MROH2B: variants seen among roughly 807,000 people sequenced by gnomAD.
MROH2B encodes the protein maestro heat like repeat family member 2B, also known as maestro heat-like repeat-containing protein family member 2B.
A neutral mutation model predicts 208.6 loss-of-function variants in MROH2B; 177 were observed. The observed-to-expected ratio is 0.85, with a 90% CI of 0.75 to 0.96. The LOEUF (loss-of-function observed/expected upper bound fraction) is 0.96, where lower values mean the gene tolerates loss of function less well. MROH2B is among the 40% of genes least tolerant of loss of function. MROH2B has a pLI of 0.00. For synonymous variants in MROH2B, 728 were observed against 659.0 expected, an observed-to-expected ratio of 1.10 and a Z score of -1.60; for missense variants, 2,002 against 1,878.7, an observed-to-expected ratio of 1.07 and a Z score of -1.21.
chr5:41,010,131 T>C, intron 30 of MROH2B, 52 bp from the exon 31 acceptor site: 1 of 1,583,150 alleles, frequency 6.3e-7, no homozygotes, highest in South Asian at 1.1e-5. Flanking sequence ...TCCCTCTATG[T>C]GAATGACTCA....
Position 41,018,992 on chromosome 5 carries a change from T to C in MROH2B, c.2468A>G (p.Gln823Arg). Residue 823 changes from glutamine to arginine, a missense_variant, in exon 25 of 42, where the codon CAA (glutamine) becomes CGA (arginine). Physicochemically the swap from Gln to Arg is conservative, Grantham distance 43 (BLOSUM62 1). Coordinates refer to ENST00000399564, the MANE Select transcript of MROH2B (RefSeq NM_173489.5). ...CTCCTCAAGAATGTTAAGGTGGTCT[T>C]GTAGTGAGAGCTGAGGTTTCAGTTT... is the stretch of plus-strand genomic sequence containing the variant. The part of the protein sequence containing the change: ...LSKLKPQLSL[Q>R]DHLNILEENI... 6.2e-7 allele frequency: 1 copy of C among 1,613,862 alleles called. No individual in the cohort carries two copies. Among genetic ancestry groups the C allele is most frequent in the Non-Finnish European group, 8.5e-7 (1 of 1,179,854 alleles).
intron 24 of MROH2B, 130 bp from the exon 25 acceptor site, chr5:41,019,148 T>C (rs938183270): frequency 8.5e-7 from 1 of 1,170,802 alleles, no homozygotes; most frequent in Admixed American, 2.2e-5. Context: ...CACGTTGGGA[T>C]GTTGAGAAAG....
chr5:41,005,097 C>T, intron 35 of MROH2B, 177 bp from the exon 36 acceptor site: 1 of 773,120 alleles, frequency 1.3e-6, no homozygotes, highest in Non-Finnish European at 2.0e-6. Context: ...ATATGAGCAG[C>T]GCACAGGTCA....
chr5:41,064,406 T>A, intron 5 of MROH2B, 66 bp downstream of exon 5: 3 of 1,342,692 alleles, frequency 2.2e-6, no homozygotes, highest in East Asian at 2.4e-5. Flanking sequence ...ACAAGACTTT[T>A]GCTTAATTTG....
Position 40,998,107 on chromosome 5 carries a change from T to A in MROH2B, c.4703A>T (p.Glu1568Val). 6.2e-7 allele frequency: 1 copy of A among 1,612,568 alleles called. No homozygotes were observed. The highest frequency in any genetic ancestry group is 8.5e-7 in the Non-Finnish European group (1 of 1,178,764). The stretch of plus-strand genomic sequence containing the variant: ...TCTCAGGAGGGTTTGCAAAGCAGCC[T>A]CAGCTGCTCTCTGGACACTAATACA... ...DPCISVQRAA[E>V]AALQTLLRRC... The change falls in exon 42 of 42, where the codon GAG (glutamate) becomes GTG (valine). Residue 1568 changes from glutamate (E) to valine (V), a missense_variant. Coordinates refer to ENST00000399564, the MANE Select transcript of MROH2B (RefSeq NM_173489.5).
chr5:41,012,861 A>G, intron 29 of MROH2B, 126 bp from the exon 30 acceptor site: 2 of 1,177,154 alleles, frequency 1.7e-6, no homozygotes, highest in Non-Finnish European at 2.4e-6. Flanking sequence ...GTTTTGATTG[A>G]GGCCACAGAA....
chr5:41,007,324 A>G lies in MROH2B; in HGVS notation c.3739T>C (p.Ser1247Pro), dbSNP rs1358814032. The change falls in exon 34 of 42, where the codon TCA becomes CCA. Residue 1247 changes from serine (S) to proline (P), a missense_variant. By Grantham distance (74) the Ser-to-Pro change is moderately conservative. Coordinates refer to ENST00000399564, the MANE Select transcript of MROH2B (RefSeq NM_173489.5). ...AAAAGTGCACATTACCTGGCCAGTG[A>G]ACATACGCCTATGTGGTGGGTACTA... Reference protein sequence around the residue: ...SPSTHHIGVCSLARSMAVWQH... With the variant: ...SPSTHHIGVCPLARSMAVWQH... 7.0e-7 allele frequency: 1 copy of G among 1,429,870 alleles called. No homozygotes were observed. The highest frequency in any genetic ancestry group is 9.2e-7 in the Non-Finnish European group (1 of 1,084,908). 88.6% of individuals were successfully genotyped at this position (1,429,870 alleles called of 1,614,324 possible).
rs375041927 is a variant in MROH2B at position 41,047,734 on chromosome 5, G to A, written c.1715C>T (p.Thr572Ile). Residue 572 changes from threonine to isoleucine, a missense_variant, in exon 17 of 42, where the codon ACC becomes ATC. Physicochemically the swap from Thr to Ile is moderately conservative, Grantham distance 89. Coordinates refer to ENST00000399564, the MANE Select transcript of MROH2B (RefSeq NM_173489.5). Reference sequence around the variant, plus strand: ...AGCCAGCCTTACCTGAAGCAGCATGGTTTCCCATAGAACGGTACTGATGTT... The same window carrying A: ...AGCCAGCCTTACCTGAAGCAGCATGATTTCCCATAGAACGGTACTGATGTT... ...GKNISTVLWE[T>I]MLLQLLKESL... 2.1e-5 allele frequency: 33 copies of A among 1,595,234 alleles called. No individual in the cohort carries two copies. The African/African-American group carries it at 3.4e-4, about 16-fold the overall frequency.
At position 41,010,043 on chromosome 5, in the gene MROH2B, G is replaced by T; in HGVS notation, c.3172C>A (p.Pro1058Thr). The T allele has an allele frequency of 6.2e-7, 1 of 1,613,830 alleles. No homozygotes were observed. Among genetic ancestry groups the T allele is most frequent in the Non-Finnish European group, 8.5e-7 (1 of 1,179,814 alleles). ...EILGTIYHHMPVLRQKEESFQ... is the reference protein window; with the variant it reads ...EILGTIYHHMTVLRQKEESFQ... ...CTTTCTTCTTTTTGTCTGAGGACTG[G>T]CATGTGATGGTAGATTGTGCCTAAG... is the stretch of plus-strand genomic sequence containing the variant. Residue 1058 changes from proline to threonine, a missense_variant, in exon 31 of 42, where the codon CCA becomes ACA. Pro to Thr is a conservative substitution (Grantham distance 38). Coordinates refer to ENST00000399564, the MANE Select transcript of MROH2B (RefSeq NM_173489.5).
At chr5:41,011,636 A>T (rs1741776906) in intron 30 of MROH2B, among the ~76,000 whole-genome samples, 1 of 151,482 alleles carries the variant, frequency 6.6e-6, no homozygotes, top group African/African-American at 2.4e-5. Flanking sequence ...ACTCTCTTTG[A>T]GTTGCTTTCA....
Position 41,071,109 on chromosome 5 carries a change from G to A in MROH2B, c.-257C>T, listed in dbSNP as rs1579967967. 5.3e-5 allele frequency: 23 copies of A among 433,608 alleles called. No individual in the cohort carries two copies. The East Asian group carries it at 8.4e-4, about 16-fold the overall frequency. The allele number at this position is 433,608 out of a possible 1,614,324, so 26.9% of individuals were successfully genotyped here. Reference sequence around the variant, plus strand: ...ACTCCTGCTAACCAACAAAATGGCTGCATCTCACCAAATATTGTCCCTTTG... The same window carrying A: ...ACTCCTGCTAACCAACAAAATGGCTACATCTCACCAAATATTGTCCCTTTG... On this transcript the variant is annotated 5_prime_UTR_variant, in exon 1 of 42. An upstream open reading frame in the 5' UTR gains an earlier in-frame stop. Coordinates refer to ENST00000399564, the MANE Select transcript of MROH2B (RefSeq NM_173489.5).
In MROH2B at chr5:41,004,906, T is replaced by C. The variant is rs1374634583; in HGVS notation, c.3879A>G (p.Pro1293=). 5.0e-6 allele frequency: 8 copies of C among 1,613,902 alleles called. No individual in the cohort carries two copies. Among genetic ancestry groups the C allele is most frequent in the South Asian group, 1.1e-5 (1 of 91,054 alleles). Residue 1293 remains proline (P), a synonymous_variant, in exon 36 of 42, where the codon CCA becomes CCG. Coordinates refer to ENST00000399564, the MANE Select transcript of MROH2B (RefSeq NM_173489.5). ...AAFFSELMKE[P]ILWKHGNLRN... Reference sequence around the variant, plus strand: ...GCAGATTCCCATGCTTCCAAAGGATTGGTTCCTTCATGAGCTGAAATAATC... The same window carrying C: ...GCAGATTCCCATGCTTCCAAAGGATCGGTTCCTTCATGAGCTGAAATAATC...
intron 24 of MROH2B, 96 bp downstream of exon 24, chr5:41,032,646 G>A (rs1325768589): frequency 2.1e-6 from 2 of 964,466 alleles, no homozygotes; most frequent in East Asian, 2.6e-5. Flanking sequence ...AGTTTTGGGA[G>A]TGTGTACTGA....
At chr5:40,999,286 C>T (rs918624700) in intron 40 of MROH2B, among the ~76,000 whole-genome samples, 1 of 152,166 alleles carries the variant, frequency 6.6e-6, no homozygotes, top group African/African-American at 2.4e-5. Flanking sequence ...ATCATGTTGC[C>T]AAAGCTCTCA....
rs772412760 is a variant in MROH2B at position 40,999,726 on chromosome 5, G to T, written c.4536C>A (p.Phe1512Leu). 2.5e-6 allele frequency: 4 copies of T among 1,613,738 alleles called. No individual in the cohort carries two copies. Among genetic ancestry groups the T allele is most frequent in the Non-Finnish European group, 3.4e-6 (4 of 1,179,660 alleles). The part of the protein sequence containing the change: ...LWILHTHSFT[F>L]FTSTWEVIRS... ...TGATCACCTCCCAGGTGCTGGTGAAGAAGGTGAAGGAGTGTGTGTGGAGGA... is the reference window on the plus strand; with the variant it reads ...TGATCACCTCCCAGGTGCTGGTGAATAAGGTGAAGGAGTGTGTGTGGAGGA... Residue 1512 changes from phenylalanine (F) to leucine (L), a missense_variant, in exon 40 of 42, where the codon TTC becomes TTA. Phe to Leu is a conservative substitution (Grantham distance 22, BLOSUM62 0). Transcript: ENST00000399564.
intron 15 of MROH2B, 101 bp downstream of exon 15, chr5:41,049,000 T>C (rs1473614208): frequency 8.7e-7 from 1 of 1,145,274 alleles, no homozygotes. Context: ...TGTTTCTTTT[T>C]GTTTGGAGTA....
At chr5:41,030,316 A>C (rs911399396) in intron 24 of MROH2B, among the ~76,000 whole-genome samples, 1 of 152,018 alleles carries the variant, frequency 6.6e-6, no homozygotes, top group African/African-American at 2.4e-5. Context: ...TGGGTCACAA[A>C]AATCAATATA....
In MROH2B at chr5:41,023,358, G is replaced by T. The variant is rs982199379; in HGVS notation, c.2442-4340C>A. Among the ~76,000 whole-genome samples the T allele has an allele frequency of 2.6e-5, 4 of 152,280 alleles. 1 individual carries two copies. The Middle Eastern group carries it at 0.01, about 388-fold the overall frequency. ...AGAGGAGTCCTTAAATGACCTGATG[G>T]AGCTGAAAACCATGGCACAAGAACT... On this transcript the variant is annotated intron_variant, in intron 24 of 41. Coordinates refer to ENST00000399564, the MANE Select transcript of MROH2B (RefSeq NM_173489.5).
rs1743266485 is a variant in MROH2B at position 41,050,968 on chromosome 5, A to T, written c.1344+9T>A. The T allele has an allele frequency of 6.4e-7, 1 of 1,553,550 alleles. No homozygotes were observed. Among genetic ancestry groups the T allele is most frequent in the African/African-American group, 1.4e-5 (1 of 71,482 alleles). ...AAGTAACTGTAAGTGGTGACAAAAG[A>T]CCACTTACCTGAGGCATTCCAATGA... On this transcript the variant is annotated intron_variant, in intron 13 of 41. Transcript: ENST00000399564.
Sources: gnomAD v4.1 joint callset for allele counts (sites outside exome capture counted in the v4.1 genomes callset) on GRCh38, gnomAD v4.1.1 for gene constraint, MANE v1.5 for transcripts, NCBI Gene and HGNC (gene_info 2026-07-23, HGNC 2026-07-21) for gene names.